Variants in TCF7L2 observed in about 807,000 individuals in gnomAD.
TCF7L2 encodes the protein transcription factor 7-like 2.
TCF7L2 carries 23 observed loss-of-function variants against 77.9 expected under a neutral mutation model. The observed-to-expected ratio is 0.30, with a 90% CI of 0.21 to 0.42. The LOEUF (loss-of-function observed/expected upper bound fraction) is 0.42. Ranked by LOEUF, TCF7L2 falls within the 10% of genes least tolerant of loss-of-function variation. TCF7L2 has a pLI of 1.00. For missense variants in TCF7L2, 654 were observed against 793.1 expected, an observed-to-expected ratio of 0.82 and a Z score of 2.11; for synonymous variants, 413 against 340.2, an observed-to-expected ratio of 1.21 and a Z score of -2.36.
intron 4 of TCF7L2, among the ~76,000 whole-genome samples, chr10:113,037,171 A>G (rs2051441482): frequency 6.6e-6 from 1 of 152,212 alleles, no homozygotes; most frequent in African/African-American, 2.4e-5. Flanking sequence ...TCACTTTTGG[A>G]GAAGGTTAAT....
At chr10:113,021,566 G>A (rs2048273732) in intron 4 of TCF7L2, among the ~76,000 whole-genome samples, 1 of 152,160 alleles carries the variant, frequency 6.6e-6, no homozygotes, top group Admixed American at 6.6e-5. Context: ...TTATGATTTG[G>A]GAACAACTCT....
At chr10:113,131,157 T>TA in intron 5 of TCF7L2, among the ~76,000 whole-genome samples, 1 of 152,356 alleles carries the variant, frequency 6.6e-6, no homozygotes, top group South Asian at 2.1e-4. Context: ...GATGTTATTG[T>TA]ATGACCAAAC....
At chr10:112,969,975 C>G (rs781541514) in intron 4 of TCF7L2, among the ~76,000 whole-genome samples, 1 of 152,218 alleles carries the variant, frequency 6.6e-6, no homozygotes, top group Non-Finnish European at 1.5e-5. Flanking sequence ...TCGAGACCCA[C>G]AGAAGATGTT....
intron 5 of TCF7L2, among the ~76,000 whole-genome samples, chr10:113,052,653 A>G (rs2054665447): frequency 6.6e-6 from 1 of 152,174 alleles, no homozygotes; most frequent in Non-Finnish European, 1.5e-5. Context: ...TGTTCCTCCC[A>G]TGGCTGGGAT....
At chr10:113,073,127 T>A (rs141168746) in intron 5 of TCF7L2, among the ~76,000 whole-genome samples, 1,698 of 116,962 alleles carry the variant, frequency 0.015, 20 homozygotes, top group South Asian at 0.038. Context: ...TGTGTGTGTG[T>A]GTGAGAGAGA....
At chr10:112,980,913 A>G (rs572421215) in intron 4 of TCF7L2, among the ~76,000 whole-genome samples, 103 of 152,360 alleles carry the variant, frequency 6.8e-4, no homozygotes, top group African/African-American at 2.4e-3. Context: ...GGCGTGAGCC[A>G]CCATTCCCGG....
At chr10:113,101,113 T>A (rs2061588107) in intron 5 of TCF7L2, among the ~76,000 whole-genome samples, 1 of 152,172 alleles carries the variant, frequency 6.6e-6, no homozygotes, top group South Asian at 2.1e-4. Context: ...AATGTGTATC[T>A]TATCCTTCTC....
At chr10:112,994,054 CAA>C (rs762753537) in intron 4 of TCF7L2, among the ~76,000 whole-genome samples, 19 of 111,564 alleles carry the variant, frequency 1.7e-4, no homozygotes, top group East Asian at 3.1e-4. Context: ...GACTCTGTCT[CAA>C]AAAAAAAAAA....
intron 5 of TCF7L2, among the ~76,000 whole-genome samples, chr10:113,053,927 A>G (rs571198781): frequency 1.3e-5 from 2 of 152,344 alleles, no homozygotes; most frequent in African/African-American, 2.4e-5. Flanking sequence ...AGTTGAACCC[A>G]AGGAGTCTCA....
rs974855905 is a variant in TCF7L2 at position 113,166,316 on chromosome 10, A to G, written c.*344A>G. ...AAAAGACTGATTAAAAAACAAAAAG[A>G]AAAAAAAAGCAATTTTGAAGCAGCC... On this transcript the variant is annotated 3_prime_UTR_variant, in exon 14 of 14. Coordinates refer to ENST00000627217, the MANE Select transcript of TCF7L2 (RefSeq NM_001146274.2). The G allele has an allele frequency of 3.4e-4, 80 of 238,166 alleles. No individual in the cohort carries two copies. The highest frequency in any genetic ancestry group is 7.5e-4 in the African/African-American group (34 of 45,190). 14.8% of individuals were successfully genotyped at this position (238,166 alleles called of 1,614,324 possible).
intron 5 of TCF7L2, among the ~76,000 whole-genome samples, chr10:113,130,914 C>T (rs1199344868): frequency 6.6e-6 from 1 of 151,950 alleles, no homozygotes; most frequent in Non-Finnish European, 1.5e-5. Flanking sequence ...TACAGGCACC[C>T]GCCACCATGC....
intron 6 of TCF7L2, among the ~76,000 whole-genome samples, chr10:113,143,086 C>T (rs1285595208): frequency 1.3e-5 from 2 of 152,222 alleles, no homozygotes; most frequent in Non-Finnish European, 2.9e-5. Flanking sequence ...CCTTTTGCCT[C>T]CCACTTCAAT....
intron 8 of TCF7L2, among the ~76,000 whole-genome samples, chr10:113,146,648 A>G (rs2069485269): frequency 6.6e-6 from 1 of 151,924 alleles, no homozygotes; most frequent in Admixed American, 6.6e-5. Flanking sequence ...AAAAAGATAA[A>G]GTTATTTTTA....
chr10:113,109,268 T>TA (rs2062815117), intron 5 of TCF7L2, among the ~76,000 whole-genome samples: 1 of 152,232 alleles, frequency 6.6e-6, no homozygotes, highest in Non-Finnish European at 1.5e-5. Context: ...TTCTGCCACT[T>TA]ACGGTGTTAT....
At chr10:113,018,852 C>T (rs548684713) in intron 4 of TCF7L2, among the ~76,000 whole-genome samples, 1 of 152,248 alleles carries the variant, frequency 6.6e-6, no homozygotes, top group Admixed American at 6.5e-5. Context: ...GTCCAGTGTA[C>T]ATTTCCTGGT....
Position 113,165,444 on chromosome 10 carries a change from C to A in TCF7L2, c.1392-111C>A, listed in dbSNP as rs1052498486. The A allele has an allele frequency of 8.1e-6, 10 of 1,238,316 alleles. No individual in the cohort carries two copies. The African/African-American group carries it at 1.2e-4, about 15-fold the overall frequency. The allele number at this position is 1,238,316 out of a possible 1,614,324, so 76.7% of individuals were successfully genotyped here. ...TGTCCTCGGACCACTGGGCGTGCCA[C>A]CTCTGTGGGACATCCCTTAGGTGAC... On this transcript the variant is annotated intron_variant, in intron 13 of 13. Transcript: ENST00000627217.
chr10:113,119,079 C>A (rs1364545356), intron 5 of TCF7L2, among the ~76,000 whole-genome samples: 1 of 152,112 alleles, frequency 6.6e-6, no homozygotes, highest in Non-Finnish European at 1.5e-5. Context: ...ATGTGTGAAC[C>A]AGTGCGGAAG....
intron 4 of TCF7L2, among the ~76,000 whole-genome samples, chr10:112,966,196 A>C (rs901748776): frequency 5.8e-5 from 8 of 137,408 alleles, no homozygotes; most frequent in Non-Finnish European, 1.1e-4. Flanking sequence ...ATATATATAT[A>C]TATATATATA....
chr10:112,993,295 G>A (rs1017064988), intron 4 of TCF7L2, among the ~76,000 whole-genome samples: 6 of 151,882 alleles, frequency 4.0e-5, no homozygotes, highest in African/African-American at 7.3e-5. Flanking sequence ...CGAGGCAGGC[G>A]GATCACTTGA....
Sources: gnomAD v4.1 joint callset for allele counts (sites outside exome capture counted in the v4.1 genomes callset) on GRCh38, gnomAD v4.1.1 for gene constraint, MANE v1.5 for transcripts, NCBI Gene and HGNC (gene_info 2026-07-23, HGNC 2026-07-21) for gene names.